SLC35G2: variants seen among roughly 807,000 people sequenced by gnomAD.
The protein encoded by SLC35G2 is solute carrier family 35 member G2, also known as transmembrane protein 22.
In SLC35G2, 20 loss-of-function variants were observed where a neutral mutation model predicts 27.2. That is an observed-to-expected ratio of 0.74 (90% CI 0.52 to 1.07). The LOEUF is 1.07. SLC35G2 is among the 50% of genes least tolerant of loss of function. The probability of loss-of-function intolerance (pLI) is 0.00; values close to 1 mark genes in which losing one functional copy is unlikely to be tolerated. For missense variants in SLC35G2, 416 were observed against 493.3 expected, an observed-to-expected ratio of 0.84 and a Z score of 1.48; for synonymous variants, 148 against 165.3, an observed-to-expected ratio of 0.90 and a Z score of 0.80.
intron 1 of SLC35G2, among the ~76,000 whole-genome samples, chr3:136,823,608 A>T (rs566128002): frequency 7.3e-4 from 110 of 151,654 alleles, no homozygotes; most frequent in Admixed American, 7.2e-4. Flanking sequence ...TCTTTTTGAG[A>T]TGGAGTCTCC....
intron 1 of SLC35G2, chr3:136,846,563 G>A (rs1937387712): frequency 6.6e-6 from 1 of 152,244 alleles, no homozygotes; most frequent in African/African-American, 2.4e-5. Flanking sequence ...CTGGAGCCAT[G>A]ATACTGGTTT....
intron 1 of SLC35G2, among the ~76,000 whole-genome samples, chr3:136,847,236 C>T (rs552490794): frequency 2.0e-5 from 3 of 152,012 alleles, no homozygotes; most frequent in South Asian, 2.1e-4. Context: ...CCTGGGGCCA[C>T]GTGAATACTG....
At chr3:136,824,601 C>T (rs1304367030) in intron 1 of SLC35G2, among the ~76,000 whole-genome samples, 1 of 152,126 alleles carries the variant, frequency 6.6e-6, no homozygotes, top group East Asian at 1.9e-4. Flanking sequence ...ATTTGTTTAT[C>T]TGTAAACAGT....
At chr3:136,820,910 A>T (rs1347675117) in intron 1 of SLC35G2, among the ~76,000 whole-genome samples, 1 of 152,218 alleles carries the variant, frequency 6.6e-6, no homozygotes, top group African/African-American at 2.4e-5. Flanking sequence ...TACCAAAAAA[A>T]TTCCTTAAAG....
intron 1 of SLC35G2, among the ~76,000 whole-genome samples, chr3:136,832,524 G>A (rs1936755548): frequency 6.6e-6 from 1 of 152,166 alleles, no homozygotes; most frequent in African/African-American, 2.4e-5. Flanking sequence ...TGTTGTGTCT[G>A]ATATCTTTTC....
At chr3:136,834,889 T>C (rs1003865968) in intron 1 of SLC35G2, among the ~76,000 whole-genome samples, 3 of 152,226 alleles carry the variant, frequency 2.0e-5, no homozygotes, top group African/African-American at 7.2e-5. Flanking sequence ...ATAACTCTCT[T>C]ATTATTCTTC....
At chr3:136,820,032 G>C (rs771324020) in intron 1 of SLC35G2, 1 of 152,342 alleles carries the variant, frequency 6.6e-6, no homozygotes, top group Non-Finnish European at 1.5e-5. Context: ...AGGGTCGCGC[G>C]GGCCGGCAGG....
At position 136,855,128 on chromosome 3, in the gene SLC35G2, T is replaced by C; in HGVS notation, c.668T>C (p.Met223Thr). Reference sequence around the variant, plus strand: ...GATGAGAAAATGGCTTATGTTGACATGGCTACAGTTGTTTGCAGCATCTTA... The same window carrying C: ...GATGAGAAAATGGCTTATGTTGACACGGCTACAGTTGTTTGCAGCATCTTA... Reference protein sequence around the residue: ...LVDEKMAYVDMATVVCSILGV... With the variant: ...LVDEKMAYVDTATVVCSILGV... The change falls in exon 2 of 2, where the codon ATG becomes ACG. Residue 223 changes from methionine to threonine, a missense_variant. Physicochemically the swap from Met to Thr is moderately conservative, Grantham distance 81. Coordinates refer to ENST00000446465, the MANE Select transcript of SLC35G2 (RefSeq NM_025246.3). 2 of 1,614,220 alleles carry C rather than the reference T, an allele frequency of 1.2e-6. No homozygotes were observed. Among genetic ancestry groups the C allele is most frequent in the South Asian group, 1.1e-5 (1 of 91,086 alleles).
At chr3:136,825,660 A>G (rs1271426383) in intron 1 of SLC35G2, among the ~76,000 whole-genome samples, 1 of 152,180 alleles carries the variant, frequency 6.6e-6, no homozygotes, top group African/African-American at 2.4e-5. Context: ...TGAAATGATT[A>G]TATGATTTTT....
chr3:136,832,804 C>G (rs1026413615), intron 1 of SLC35G2, among the ~76,000 whole-genome samples: 35 of 152,258 alleles, frequency 2.3e-4, no homozygotes, highest in South Asian at 6.2e-4. Flanking sequence ...TGTGGTGGCT[C>G]ACGCCTGTAA....
Position 136,819,131 on chromosome 3 carries a change from G to C in SLC35G2, c.-516G>C, listed in dbSNP as rs1437097865. On this transcript the variant is annotated 5_prime_UTR_variant, in exon 1 of 2. Coordinates refer to ENST00000446465, the MANE Select transcript of SLC35G2 (RefSeq NM_025246.3). ...CGCCCCTCTCCCTCCGCAGTACTCC[G>C]GGCAGCGCCCGCCTCGATTTTCCCA... The C allele has an allele frequency of 1.3e-5, 2 of 152,180 alleles. No homozygotes were observed. Among genetic ancestry groups the C allele is most frequent in the Admixed American group, 1.3e-4 (2 of 15,284 alleles). The allele number at this position is 152,180 out of a possible 1,614,324, so 9.4% of individuals were successfully genotyped here.
At chr3:136,834,469 A>G (rs899719069) in intron 1 of SLC35G2, among the ~76,000 whole-genome samples, 3 of 152,132 alleles carry the variant, frequency 2.0e-5, no homozygotes, top group Non-Finnish European at 2.9e-5. Flanking sequence ...AGCTGGGATT[A>G]TAGGCACCTG....
Position 136,854,551 on chromosome 3 carries a change from C to T in SLC35G2, c.91C>T (p.Pro31Ser), listed in dbSNP as rs748364319. The change falls in exon 2 of 2, where the codon CCC becomes TCC. Residue 31 changes from proline to serine, a missense_variant. Coordinates refer to ENST00000446465, the MANE Select transcript of SLC35G2 (RefSeq NM_025246.3). ...GATGGTGAAATATACTTCTCATTATCCCCAGCCTGGCGATGATGGATATGA... is the reference window on the plus strand; with the variant it reads ...GATGGTGAAATATACTTCTCATTATTCCCAGCCTGGCGATGATGGATATGA... ...TVMVKYTSHYPQPGDDGYEEI... is the reference protein window; with the variant it reads ...TVMVKYTSHYSQPGDDGYEEI... 2.5e-6 allele frequency: 4 copies of T among 1,611,364 alleles called. No homozygotes were observed. Among genetic ancestry groups the T allele is most frequent in the Non-Finnish European group, 3.4e-6 (4 of 1,179,376 alleles).
chr3:136,822,983 C>T (rs1576884122), intron 1 of SLC35G2, among the ~76,000 whole-genome samples: 1 of 152,248 alleles, frequency 6.6e-6, no homozygotes, highest in East Asian at 1.9e-4. Context: ...TGAGGCACCT[C>T]CAAACTGTTC....
At chr3:136,848,530 G>A (rs1937497741) in intron 1 of SLC35G2, among the ~76,000 whole-genome samples, 1 of 151,968 alleles carries the variant, frequency 6.6e-6, no homozygotes, top group Admixed American at 6.6e-5. Flanking sequence ...GAGGTGGGAG[G>A]ATCACTTGAG....
rs142080369 is a variant in SLC35G2, at chr3:136,830,010, C to T, written c.-19+10382C>T. Among the ~76,000 whole-genome samples the T allele has an allele frequency of 1.1e-4, 16 of 152,064 alleles. 1 individual carries two copies. In the East Asian group the frequency reaches 3.1e-3, roughly 29 times the overall value. ...ATTATTTCTTTGAATAAACTTTCTACCTCTATCTCTTTCACTATCTCCTCT... is the reference window on the plus strand; with the variant it reads ...ATTATTTCTTTGAATAAACTTTCTATCTCTATCTCTTTCACTATCTCCTCT... On this transcript the variant is annotated intron_variant, in intron 1 of 1. Transcript: ENST00000446465.
At chr3:136,830,668 C>T (rs1380186245) in intron 1 of SLC35G2, among the ~76,000 whole-genome samples, 2 of 152,194 alleles carry the variant, frequency 1.3e-5, no homozygotes, top group Admixed American at 1.3e-4. Context: ...CCCACCTCAG[C>T]CTCCCAAAGT....
chr3:136,854,157 T>C (rs1222353096), intron 1 of SLC35G2, among the ~76,000 whole-genome samples: 3 of 152,154 alleles, frequency 2.0e-5, no homozygotes, highest in African/African-American at 4.8e-5. Flanking sequence ...AATGAAAAGA[T>C]GGAAAAATCC....
At chr3:136,844,628 T>C (rs1054138699) in intron 1 of SLC35G2, among the ~76,000 whole-genome samples, 2 of 151,196 alleles carry the variant, frequency 1.3e-5, no homozygotes, top group African/African-American at 4.9e-5. Flanking sequence ...GCAAAAATCC[T>C]GTCTCTACAG....
Sources: gnomAD v4.1 joint callset for allele counts (sites outside exome capture counted in the v4.1 genomes callset) on GRCh38, gnomAD v4.1.1 for gene constraint, MANE v1.5 for transcripts, NCBI Gene and HGNC (gene_info 2026-07-23, HGNC 2026-07-21) for gene names.